The following JARID2 variants were observed in gnomAD, a reference collection of about 807,000 sequenced individuals.
JARID2 encodes the protein jumonji and AT-rich interaction domain containing 2, also known as protein Jumonji.
In JARID2, 21 loss-of-function variants were observed where a neutral mutation model predicts 125.6. The observed-to-expected ratio is 0.17, with a 90% CI of 0.12 to 0.24. The LOEUF (loss-of-function observed/expected upper bound fraction) is 0.24, where lower values mean the gene tolerates loss of function less well. JARID2 is among the 10% of genes least tolerant of loss of function. The pLI, the probability that JARID2 is intolerant of heterozygous loss-of-function variation, is 1.00. For missense variants in JARID2, 1,303 were observed against 1,639.6 expected (o/e 0.79, Z 3.55); for synonymous variants, 736 against 661.6 (o/e 1.11, Z -1.73).
chr6:15,424,695 TA>T (rs1326349263), intron 3 of JARID2, among the ~76,000 whole-genome samples: 1 of 151,978 alleles, frequency 6.6e-6, no homozygotes, highest in Non-Finnish European at 1.5e-5. Context: ...CTGCCTCCAC[TA>T]AAAAAATACA....
chr6:15,468,679 A>G lies in JARID2; in HGVS notation c.631A>G (p.Arg211Gly). ...NASSSCQSTP[R>G]KGKTHKHVHN... Reference sequence around the variant, plus strand: ...TTCATCTTCATGCCAGTCGACCCCCAGGAAAGGAAAAACCCACAAACATGT... The same window carrying G: ...TTCATCTTCATGCCAGTCGACCCCCGGGAAAGGAAAAACCCACAAACATGT... Residue 211 changes from arginine to glycine, a missense_variant, in exon 5 of 18, where the codon AGG (arginine) becomes GGG (glycine). Physicochemically the swap from Arg to Gly is moderately radical, Grantham distance 125 (BLOSUM62 -2). Coordinates refer to ENST00000341776, the MANE Select transcript of JARID2 (RefSeq NM_004973.4). The G allele has an allele frequency of 2.5e-6, 4 of 1,613,958 alleles. No individual in the cohort carries two copies. Among genetic ancestry groups the G allele is most frequent in the Non-Finnish European group, 3.4e-6 (4 of 1,179,902 alleles).
intron 1 of JARID2, among the ~76,000 whole-genome samples, chr6:15,253,692 C>T (rs1454913989): frequency 6.6e-6 from 1 of 152,106 alleles, no homozygotes; most frequent in African/African-American, 2.4e-5. Flanking sequence ...CCCACCTCTA[C>T]TGGGGTTCTT....
chr6:15,360,767 T>C (rs1268921760), intron 1 of JARID2, among the ~76,000 whole-genome samples: 1 of 152,066 alleles, frequency 6.6e-6, no homozygotes, highest in Non-Finnish European at 1.5e-5. Flanking sequence ...AGCCTCCCAG[T>C]GTGTGAGAAT....
Position 15,446,610 on chromosome 6 carries a change from A to G in JARID2, c.324-5396A>G, listed in dbSNP as rs72836330. On this transcript the variant is annotated intron_variant, in intron 3 of 17. Transcript: ENST00000341776. ...TGTCTTAGGCCATTTGTTGCCACAT[A>G]AAATACACTCTATGGGATCCCATAC... Among the ~76,000 whole-genome samples the G allele has an allele frequency of 2.2e-3, 330 of 152,326 alleles. 2 individuals carry two copies. The highest frequency in any genetic ancestry group is 6.7e-3 in the Admixed American group (102 of 15,298).
At chr6:15,393,561 C>G (rs2127544594) in intron 2 of JARID2, among the ~76,000 whole-genome samples, 1 of 152,296 alleles carries the variant, frequency 6.6e-6, no homozygotes, top group South Asian at 2.1e-4. Flanking sequence ...TGGAAAAATT[C>G]AAGATTTCAG....
chr6:15,487,296 T>C lies in JARID2; in HGVS notation c.671-11T>C, dbSNP rs762490758. 7.4e-6 allele frequency: 12 copies of C among 1,611,594 alleles called. No homozygotes were observed. The highest frequency in any genetic ancestry group is 1.0e-5 in the Non-Finnish European group (12 of 1,178,152). On this transcript the variant is annotated splice_polypyrimidine_tract_variant and intron_variant, in intron 5 of 17. Transcript: ENST00000341776. ...TAGTGATTTCATTCTTGTTTTCTCC[T>C]TCCTTTCTAGTTTTCAATGGTTCCA...
intron 3 of JARID2, among the ~76,000 whole-genome samples, chr6:15,412,003 G>A (rs1240967642): frequency 1.3e-5 from 2 of 152,260 alleles, no homozygotes; most frequent in African/African-American, 4.8e-5. Flanking sequence ...TGTGGCACCT[G>A]AGTGCAAAGC....
rs562984373 is a variant in JARID2 at position 15,415,516 on chromosome 6, T to G, written c.323+5151T>G. Among the ~76,000 whole-genome samples the G allele has an allele frequency of 5.4e-3, 729 of 135,878 alleles. 11 individuals are homozygous for G. The highest frequency in any genetic ancestry group is 0.019 in the African/African-American group (671 of 34,948). 89.1% of individuals were successfully genotyped at this position (135,878 alleles called of 152,430 possible). On this transcript the variant is annotated intron_variant, in intron 3 of 17. Transcript: ENST00000341776. ...GGGCTCCTCACTTCCCAGTAGGGGC[T>G]GCCGGGCAGAGGCGCCCCTCACCTC...
At chr6:15,493,562 G>C (rs1463428497) in intron 6 of JARID2, among the ~76,000 whole-genome samples, 1 of 152,158 alleles carries the variant, frequency 6.6e-6, no homozygotes, top group Non-Finnish European at 1.5e-5. Context: ...AGGTTAAAAG[G>C]AGATTGAGCC....
At chr6:15,518,680 C>T (rs192475359) in intron 17 of JARID2, among the ~76,000 whole-genome samples, 4 of 152,158 alleles carry the variant, frequency 2.6e-5, no homozygotes, top group Non-Finnish European at 4.4e-5. Flanking sequence ...CAGGGTTTTA[C>T]CATGTTGGTC....
chr6:15,463,725 C>T (rs1581599860), intron 4 of JARID2, among the ~76,000 whole-genome samples: 1 of 152,146 alleles, frequency 6.6e-6, no homozygotes, highest in Admixed American at 6.6e-5. Flanking sequence ...AGCCACCCTG[C>T]CCAGCCTGTT....
At chr6:15,252,940 CTG>C (rs1310924919) in intron 1 of JARID2, among the ~76,000 whole-genome samples, 1 of 152,206 alleles carries the variant, frequency 6.6e-6, no homozygotes, top group African/African-American at 2.4e-5. Flanking sequence ...TCCGTGGTAT[CTG>C]TCTACATTTT....
At chr6:15,305,728 C>T (rs1311584883) in intron 1 of JARID2, among the ~76,000 whole-genome samples, 1 of 152,048 alleles carries the variant, frequency 6.6e-6, no homozygotes, top group Non-Finnish European at 1.5e-5. Flanking sequence ...CTTGATTCCT[C>T]CCCACCCCCA....
chr6:15,377,330 C>T (rs1040874197), intron 2 of JARID2, among the ~76,000 whole-genome samples: 1 of 152,162 alleles, frequency 6.6e-6, no homozygotes, highest in Non-Finnish European at 1.5e-5. Context: ...CTCACTATCA[C>T]AAGAATAGCA....
chr6:15,288,599 T>C (rs1260303887), intron 1 of JARID2, among the ~76,000 whole-genome samples: 1 of 152,220 alleles, frequency 6.6e-6, no homozygotes, highest in Non-Finnish European at 1.5e-5. Context: ...GTTAGCTGTT[T>C]ATAGTTTATA....
chr6:15,498,510 T>C (rs1460510215), intron 7 of JARID2, among the ~76,000 whole-genome samples: 1 of 152,126 alleles, frequency 6.6e-6, no homozygotes, highest in Non-Finnish European at 1.5e-5. Context: ...GTGAGGTGCA[T>C]CCAGGTAAGG....
At chr6:15,400,101 G>T (rs187795584) in intron 2 of JARID2, among the ~76,000 whole-genome samples, 55 of 152,316 alleles carry the variant, frequency 3.6e-4, no homozygotes, top group Non-Finnish European at 7.4e-5. Flanking sequence ...AGCCAGTTCT[G>T]TGAAAGATCC....
chr6:15,356,806 G>A (rs1763614991), intron 1 of JARID2, among the ~76,000 whole-genome samples: 1 of 152,172 alleles, frequency 6.6e-6, no homozygotes, highest in African/African-American at 2.4e-5. Flanking sequence ...CTTGAGGTCA[G>A]GAGTTCAAGA....
chr6:15,501,467 A>AG, intron 8 of JARID2, 58 bp downstream of exon 8: 1 of 1,477,914 alleles, frequency 6.8e-7, no homozygotes, highest in East Asian at 2.3e-5. Context: ...GGAATGAGAG[A>AG]GGAAGTGGAG....
Sources: allele counts gnomAD v4.1 joint callset (sites outside exome capture counted in the v4.1 genomes callset), GRCh38; gene constraint gnomAD v4.1.1; transcripts MANE v1.5; gene names NCBI Gene and HGNC (gene_info 2026-07-23, HGNC 2026-07-21).